The following DLGAP1 variants were observed in gnomAD, a reference collection of about 807,000 sequenced individuals.
DLGAP1 encodes the protein DLG associated protein 1.
Under a neutral mutation model 90.8 loss-of-function variants are expected in DLGAP1, and 11 were observed. The observed-to-expected ratio is 0.12, with a 90% CI of 0.08 to 0.20. The LOEUF is 0.20. Among genes scored for constraint, DLGAP1 ranks in the 10% least tolerant of loss-of-function variants. The pLI is 1.00. For missense variants in DLGAP1, 1,050 were observed against 1,333.8 expected (o/e 0.79, Z 3.31); for synonymous variants, 558 against 540.7 (o/e 1.03, Z -0.44).
intron 2 of DLGAP1, among the ~76,000 whole-genome samples, chr18:4,053,302 C>A (rs909363436): frequency 6.6e-6 from 1 of 152,116 alleles, no homozygotes. Flanking sequence ...TCCTTCTTCA[C>A]ATAGCAGCAG....
chr18:3,770,302 T>C (rs1470531643), intron 5 of DLGAP1, among the ~76,000 whole-genome samples: 1 of 151,702 alleles, frequency 6.6e-6, no homozygotes, highest in African/African-American at 2.4e-5. Flanking sequence ...AGAAGGGAGG[T>C]GGTGGAATTT....
chr18:4,322,943 G>GAAAAA (rs60113288), intron 1 of DLGAP1, among the ~76,000 whole-genome samples: 5 of 97,600 alleles, frequency 5.1e-5, no homozygotes, highest in Admixed American at 1.3e-4. Flanking sequence ...CCTGGGCACA[G>GAAAAA]AAAAAAAAAA....
intron 7 of DLGAP1, among the ~76,000 whole-genome samples, chr18:3,601,846 G>GA (rs60470269): frequency 2.6e-4 from 25 of 96,974 alleles, no homozygotes; most frequent in East Asian, 8.6e-4. Flanking sequence ...CTCCATCTCG[G>GA]AAAAAAAAAA....
intron 2 of DLGAP1, among the ~76,000 whole-genome samples, chr18:4,080,016 T>C (rs72871196): frequency 1.3e-5 from 2 of 152,012 alleles, no homozygotes; most frequent in Admixed American, 1.3e-4. Flanking sequence ...TGGATAAGAA[T>C]CACTAGCTTG....
intron 5 of DLGAP1, among the ~76,000 whole-genome samples, chr18:3,768,628 A>C (rs2064367685): frequency 1.3e-5 from 2 of 152,188 alleles, no homozygotes; most frequent in Admixed American, 1.3e-4. Context: ...ATGGAGAATC[A>C]AGAAAGCCCA....
At chr18:3,860,113 T>TAAAAAAAAA (rs1555695348) in intron 4 of DLGAP1, among the ~76,000 whole-genome samples, 2 of 142,216 alleles carry the variant, frequency 1.4e-5, no homozygotes, top group African/African-American at 2.6e-5. Context: ...AATAAATAAA[T>TAAAAAAAAA]AAATAAATTT....
At chr18:3,767,524 T>C (rs2064306714) in intron 5 of DLGAP1, among the ~76,000 whole-genome samples, 1 of 152,074 alleles carries the variant, frequency 6.6e-6, no homozygotes, top group African/African-American at 2.4e-5. Context: ...TAGAATTCAG[T>C]AATATATATA....
chr18:3,590,901 T>C (rs752759557), intron 7 of DLGAP1, among the ~76,000 whole-genome samples: 17 of 151,394 alleles, frequency 1.1e-4, no homozygotes, highest in Non-Finnish European at 1.8e-4. Context: ...AAATTGAATG[T>C]AAGTGTTTAG....
At chr18:3,821,965 G>A in intron 4 of DLGAP1, 1 of 984,474 alleles carries the variant, frequency 1.0e-6, no homozygotes, top group Non-Finnish European at 1.2e-6. Context: ...CTTGACAAAT[G>A]CGACTTGGCT....
chr18:4,157,807 T>C lies in DLGAP1; in HGVS notation c.-266-6520A>G, dbSNP rs2076781771. Among the ~76,000 whole-genome samples the C allele has an allele frequency of 2.0e-5, 3 of 152,296 alleles. No homozygotes were observed. In the South Asian group the frequency reaches 6.2e-4, roughly 32 times the overall value. On this transcript the variant is annotated intron_variant, in intron 1 of 12. Transcript: ENST00000315677. ...AACATGAGAGCACGAGTAAGTGTGC[T>C]ATGTCTGTGAGTAAGTGGGGAAGCT...
intron 2 of DLGAP1, among the ~76,000 whole-genome samples, chr18:4,091,851 T>A (rs918368618): frequency 3.9e-5 from 6 of 152,200 alleles, no homozygotes; most frequent in African/African-American, 1.4e-4. Flanking sequence ...AATATCTAGG[T>A]CATATTTGAG....
At chr18:3,707,017 G>GTAT (rs2061454335) in intron 7 of DLGAP1, among the ~76,000 whole-genome samples, 1 of 152,192 alleles carries the variant, frequency 6.6e-6, no homozygotes, top group South Asian at 2.1e-4. Flanking sequence ...TGACATCAAA[G>GTAT]TATTACGCAT....
At chr18:4,358,996 T>C (rs1290944775) in intron 1 of DLGAP1, among the ~76,000 whole-genome samples, 1 of 152,202 alleles carries the variant, frequency 6.6e-6, no homozygotes, top group African/African-American at 2.4e-5. Flanking sequence ...ATGAGGGAGT[T>C]ATAATTAACA....
At chr18:3,855,813 A>G (rs1301333032) in intron 4 of DLGAP1, among the ~76,000 whole-genome samples, 1 of 152,048 alleles carries the variant, frequency 6.6e-6, no homozygotes, top group Non-Finnish European at 1.5e-5. Flanking sequence ...GGGGTTCACT[A>G]TGTTGGCCAG....
chr18:4,174,174 C>T (rs963670248), intron 1 of DLGAP1, among the ~76,000 whole-genome samples: 3 of 152,056 alleles, frequency 2.0e-5, no homozygotes, highest in African/African-American at 7.2e-5. Flanking sequence ...CACAGCACTC[C>T]CAATTACCTG....
intron 3 of DLGAP1, among the ~76,000 whole-genome samples, chr18:3,901,629 C>T (rs1444099816): frequency 2.0e-5 from 3 of 152,108 alleles, no homozygotes; most frequent in Non-Finnish European, 2.9e-5. Flanking sequence ...TCCCCTACAT[C>T]CTCATGGGTG....
intron 2 of DLGAP1, among the ~76,000 whole-genome samples, chr18:4,082,510 CAAAAAA>C (rs59735494): frequency 2.5e-4 from 13 of 52,096 alleles, no homozygotes; most frequent in African/African-American, 1.1e-3. Context: ...GACTTTGTCT[CAAAAAA>C]AAAAAAAAAA....
Position 3,637,085 on chromosome 18 carries a change from A to G in DLGAP1, c.1592-54837T>C, listed in dbSNP as rs148278674. Reference sequence around the variant, plus strand: ...AAGGAAACTCAATCTTTTCCTAAGAACAAAACTGAACTATCACAAAATGAA... The same window carrying G: ...AAGGAAACTCAATCTTTTCCTAAGAGCAAAACTGAACTATCACAAAATGAA... On this transcript the variant is annotated intron_variant, in intron 7 of 12. Transcript: ENST00000315677. 3.3e-5 allele frequency among the ~76,000 whole-genome samples: 5 copies of G among 152,208 alleles called. No homozygotes were observed. The East Asian group carries it at 9.6e-4, about 29-fold the overall frequency.
intron 12 of DLGAP1, 28 bp downstream of exon 12, chr18:3,502,465 G>A (rs1323280110): frequency 6.2e-7 from 1 of 1,613,544 alleles, no homozygotes; most frequent in African/African-American, 1.3e-5. Context: ...GTTTTTAAAT[G>A]AACCATACAA....
Sources: allele counts gnomAD v4.1 joint callset (sites outside exome capture counted in the v4.1 genomes callset), GRCh38; gene constraint gnomAD v4.1.1; transcripts MANE v1.5; gene names NCBI Gene and HGNC (gene_info 2026-07-23, HGNC 2026-07-21).